The following NIPBL variants were observed in gnomAD, a reference collection of about 807,000 sequenced individuals.
NIPBL encodes the protein nipped-B-like protein.
Under a neutral mutation model 321.8 loss-of-function variants are expected in NIPBL, and 19 were observed. The ratio of observed to expected loss-of-function variants is 0.06; its 90% CI spans 0.04 to 0.09. The LOEUF (loss-of-function observed/expected upper bound fraction) is 0.09, where lower values mean the gene tolerates loss of function less well. NIPBL is among the 10% of genes least tolerant of loss of function. The pLI is 1.00. For synonymous variants in NIPBL, 1,106 were observed against 1,114.1 expected, an observed-to-expected ratio of 0.99 and a Z score of 0.14; for missense variants, 2,210 against 3,327.0, an observed-to-expected ratio of 0.66 and a Z score of 8.26.
At chr5:37,000,758 A>G in intron 12 of NIPBL, 59 bp from the exon 13 acceptor site, 1 of 1,463,454 alleles carries the variant, frequency 6.8e-7, no homozygotes, top group Non-Finnish European at 9.5e-7. Flanking sequence ...TAGAAACAAA[A>G]ATGGAATTAT....
At chr5:36,928,487 C>T (rs921470072) in intron 1 of NIPBL, among the ~76,000 whole-genome samples, 1 of 152,064 alleles carries the variant, frequency 6.6e-6, no homozygotes. Flanking sequence ...ATATATTGAC[C>T]TAAGGAGAAA....
chr5:37,039,566 A>C (rs1339003331), intron 34 of NIPBL, among the ~76,000 whole-genome samples: 1 of 152,090 alleles, frequency 6.6e-6, no homozygotes, highest in Non-Finnish European at 1.5e-5. Context: ...ACAGATAAGG[A>C]AACTGAAGCT....
chr5:36,956,613 CTTCTTTTT>C (rs1740977863), intron 3 of NIPBL, among the ~76,000 whole-genome samples: 1 of 135,060 alleles, frequency 7.4e-6, no homozygotes, highest in African/African-American at 2.9e-5. Flanking sequence ...ATCTAAATCA[CTTCTTTTT>C]TTTTTTTTTT....
At chr5:37,042,837 A>G (rs1467413173) in intron 34 of NIPBL, among the ~76,000 whole-genome samples, 1 of 151,732 alleles carries the variant, frequency 6.6e-6, no homozygotes, top group Non-Finnish European at 1.5e-5. Context: ...AAAAAAAAAA[A>G]GAAAGGAAAA....
At chr5:36,898,962 TA>T (rs1372827029) in intron 1 of NIPBL, among the ~76,000 whole-genome samples, 1 of 152,220 alleles carries the variant, frequency 6.6e-6, no homozygotes, top group African/African-American at 2.4e-5. Flanking sequence ...TAAATTGTAT[TA>T]AATAAGATTT....
At chr5:36,994,078 C>T (rs1396616933) in intron 10 of NIPBL, among the ~76,000 whole-genome samples, 3 of 152,084 alleles carry the variant, frequency 2.0e-5, no homozygotes, top group African/African-American at 7.2e-5. Context: ...ATATGCAATG[C>T]AAAGCTAAAG....
intron 1 of NIPBL, among the ~76,000 whole-genome samples, chr5:36,908,430 T>TTTTCCTA (rs201624165): frequency 0.17 from 25,600 of 152,036 alleles, 2,490 homozygotes; most frequent in African/African-American, 0.25. Flanking sequence ...TTTTCCTAAA[T>TTTTCCTA]TAGAAACAAG....
In NIPBL at chr5:37,052,350, CTT is replaced by C. The variant is rs1753654915; in HGVS notation, c.7063-13_7063-12del. 1 of 1,608,346 alleles carries C rather than the reference CTT, an allele frequency of 6.2e-7. No individual in the cohort carries two copies. The highest frequency in any genetic ancestry group is 8.5e-7 in the Non-Finnish European group (1 of 1,174,932). On this transcript the variant is annotated splice_polypyrimidine_tract_variant and intron_variant, in intron 41 of 46. Coordinates refer to ENST00000282516, the MANE Select transcript of NIPBL (RefSeq NM_133433.4). ...TTTAATTTCCCTGACAAAAATGAGA[CTT>C]TTATTGATTTCAGATGAAAGCAGTG...
At chr5:36,980,588 T>G (rs1037856065) in intron 9 of NIPBL, among the ~76,000 whole-genome samples, 1 of 151,600 alleles carries the variant, frequency 6.6e-6, no homozygotes, top group Non-Finnish European at 1.5e-5. Flanking sequence ...GCCTACAGTA[T>G]TCAGTATAGT....
chr5:36,975,972 T>C lies in NIPBL; in HGVS notation c.1065T>C (p.Ser355=), dbSNP rs1355831548. 1 of 1,614,056 alleles carries C rather than the reference T, an allele frequency of 6.2e-7. No individual in the cohort carries two copies. Among genetic ancestry groups the C allele is most frequent in the Admixed American group, 1.7e-5 (1 of 59,996 alleles). The stretch of plus-strand genomic sequence containing the variant: ...TAATTAGTTCTCCATCCAAGGACTC[T>C]ACTAAACTTACATTAAGACTTTCTC... ...YDIISSPSKD[S]TKLTLRLSRV... is the part of the protein sequence containing the mutation. The change falls in exon 9 of 47, where the codon TCT becomes TCC. Residue 355 remains serine, a synonymous_variant. Coordinates refer to ENST00000282516, the MANE Select transcript of NIPBL (RefSeq NM_133433.4).
intron 37 of NIPBL, among the ~76,000 whole-genome samples, chr5:37,045,889 A>G (rs989075621): frequency 9.2e-5 from 14 of 152,204 alleles, no homozygotes; most frequent in East Asian, 3.8e-4. Flanking sequence ...ATTTTTTTCA[A>G]TGAAGGAAAC....
At chr5:36,915,756 G>C (rs903445895) in intron 1 of NIPBL, among the ~76,000 whole-genome samples, 1 of 152,100 alleles carries the variant, frequency 6.6e-6, no homozygotes, top group Admixed American at 6.6e-5. Flanking sequence ...ATGTAAAAAT[G>C]ATAAATTTTA....
chr5:36,990,276 C>T (rs937969519), intron 10 of NIPBL, among the ~76,000 whole-genome samples: 1 of 152,212 alleles, frequency 6.6e-6, no homozygotes, highest in Admixed American at 6.5e-5. Context: ...TCTACTGTTA[C>T]AGTTACACTA....
At chr5:36,947,292 A>G (rs965245240) in intron 1 of NIPBL, among the ~76,000 whole-genome samples, 1 of 151,984 alleles carries the variant, frequency 6.6e-6, no homozygotes, top group African/African-American at 2.4e-5. Context: ...GACATCTCCA[A>G]CTAGATATTA....
At chr5:36,898,716 G>T (rs1746973698) in intron 1 of NIPBL, among the ~76,000 whole-genome samples, 1 of 151,954 alleles carries the variant, frequency 6.6e-6, no homozygotes. Flanking sequence ...TCTCCATGTT[G>T]GTCAGGCTGG....
chr5:36,968,115 A>C (rs1389458694), intron 6 of NIPBL, among the ~76,000 whole-genome samples: 4 of 151,174 alleles, frequency 2.6e-5, no homozygotes, highest in South Asian at 4.2e-4. Flanking sequence ...AAAAAAACAA[A>C]AAACAAAAAA....
intron 1 of NIPBL, among the ~76,000 whole-genome samples, chr5:36,901,374 C>A (rs990453027): frequency 3.3e-5 from 5 of 151,636 alleles, no homozygotes; most frequent in Admixed American, 3.3e-4. Flanking sequence ...GATTCCATGT[C>A]TTTGCTATTG....
At chr5:36,978,556 T>C (rs759411788) in intron 9 of NIPBL, among the ~76,000 whole-genome samples, 9 of 152,018 alleles carry the variant, frequency 5.9e-5, no homozygotes, top group Non-Finnish European at 5.9e-5. Context: ...TACTCTGCTA[T>C]GGTTTCTTTT....
intron 4 of NIPBL, among the ~76,000 whole-genome samples, chr5:36,961,244 A>AG (rs1554012344): frequency 6.6e-6 from 1 of 152,124 alleles, no homozygotes; most frequent in Non-Finnish European, 1.5e-5. Context: ...AAGCAAGTAA[A>AG]TTTTTTTAAA....
Sources: gnomAD v4.1 joint callset for allele counts (sites outside exome capture counted in the v4.1 genomes callset) on GRCh38, gnomAD v4.1.1 for gene constraint, MANE v1.5 for transcripts, NCBI Gene and HGNC (gene_info 2026-07-23, HGNC 2026-07-21) for gene names.